The following MAT2B variants were observed in gnomAD, a reference collection of about 807,000 sequenced individuals.
MAT2B encodes methionine adenosyltransferase 2 subunit beta.
A neutral mutation model predicts 36.1 loss-of-function variants in MAT2B; 16 were observed. The ratio of observed to expected loss-of-function variants is 0.44; its 90% CI spans 0.30 to 0.67. MAT2B has a LOEUF of 0.67. Ranked by LOEUF, MAT2B falls within the 30% of genes least tolerant of loss-of-function variation. MAT2B has a pLI of 0.09. For synonymous variants in MAT2B, 148 were observed against 136.9 expected (o/e 1.08, Z -0.57); for missense variants, 332 against 398.2 (o/e 0.83, Z 1.42).
upstream of MAT2B, chr5:163,505,593 G>C (rs1296426594): frequency 1.7e-5 from 21 of 1,247,986 alleles, no homozygotes; most frequent in Middle Eastern, 2.5e-4. Flanking sequence ...TGGGCCTAGG[G>C]GAGGCGGGCC....
Position 163,505,738 on chromosome 5 carries a change from C to T in MAT2B, c.52C>T (p.Arg18Trp). 1 of 1,277,708 alleles carries T rather than the reference C, an allele frequency of 7.8e-7. No homozygotes were observed. The highest frequency in any genetic ancestry group is 2.1e-4 in the Middle Eastern group (1 of 4,706). The allele number at this position is 1,277,708 out of a possible 1,614,324, so 79.1% of individuals were successfully genotyped here. The change falls in exon 1 of 7, where the codon CGG (arginine) becomes TGG (tryptophan). Residue 18 changes from arginine to tryptophan, a missense_variant. Transcript: ENST00000321757. ...LSIHFVPGSC[R>W]LVEEEVNIPN... ...TATACACTTTGTTCCCGGGAGCTGT[C>T]GGCTGGTGGAGGTGAGGGAGTCGGC...
At chr5:163,517,879 T>C in intron 6 of MAT2B, 1 of 500,606 alleles carries the variant, frequency 2.0e-6, no homozygotes. Context: ...GTCTTGATCA[T>C]GACAGGCATT....
chr5:163,511,388 C>T (rs1239007343), intron 1 of MAT2B, among the ~76,000 whole-genome samples: 3 of 151,432 alleles, frequency 2.0e-5, no homozygotes, highest in African/African-American at 7.3e-5. Context: ...CCCAGCCTCC[C>T]AAGTAGCTAG....
At chr5:163,515,772 T>TC (rs1760121917) in intron 4 of MAT2B, among the ~76,000 whole-genome samples, 1 of 62,764 alleles carries the variant, frequency 1.6e-5, no homozygotes, top group Non-Finnish European at 2.8e-5. Context: ...GCCTTTTTCT[T>TC]TTTTTTTTTT....
At chr5:163,512,691 T>C (rs1760064889) in intron 2 of MAT2B, 2 of 454,476 alleles carry the variant, frequency 4.4e-6, no homozygotes, top group Middle Eastern at 3.3e-4. Context: ...TGTTTTGTTC[T>C]TGTTTTTGTG....
intron 2 of MAT2B, chr5:163,513,057 C>G (rs1280174680): frequency 5.8e-6 from 1 of 173,572 alleles, no homozygotes; most frequent in Non-Finnish European, 1.2e-5. Flanking sequence ...TCGATCACAG[C>G]CCACTGTAGC....
upstream of MAT2B, among the ~76,000 whole-genome samples, chr5:163,503,841 G>A (rs1322898250): frequency 2.0e-5 from 3 of 152,150 alleles, no homozygotes; most frequent in Non-Finnish European, 4.4e-5. Context: ...ACCACACGAA[G>A]TTGTATATTG....
chr5:163,505,468 T>G, upstream of MAT2B: 1 of 1,185,962 alleles, frequency 8.4e-7, no homozygotes, highest in Non-Finnish European at 1.1e-6. Context: ...CATCGGCGCG[T>G]GGGCTGGGGG....
intron 5 of MAT2B, 94 bp from the exon 6 acceptor site, chr5:163,517,467 C>T (rs1420704383): frequency 1.5e-6 from 1 of 675,638 alleles, no homozygotes; most frequent in Non-Finnish European, 2.7e-6. Context: ...CCTTTTAGTT[C>T]CTGGACCTTA....
Position 163,506,599 on chromosome 5 carries a change from T to G in MAT2B, c.63+850T>G, listed in dbSNP as rs1043358092. Among the ~76,000 whole-genome samples, 3 of 152,318 alleles carry G rather than the reference T, an allele frequency of 2.0e-5. No individual in the cohort carries two copies. In the East Asian group the frequency reaches 5.8e-4, roughly 29 times the overall value. Reference sequence around the variant, plus strand: ...TATAGGAGATGGCTGTTTCTGTTATTGCAAAGTTTTCATGCTTCCAAATTT... The same window carrying G: ...TATAGGAGATGGCTGTTTCTGTTATGGCAAAGTTTTCATGCTTCCAAATTT... On this transcript the variant is annotated intron_variant, in intron 1 of 6. Coordinates refer to ENST00000321757, the MANE Select transcript of MAT2B (RefSeq NM_013283.5).
intron 3 of MAT2B, 86 bp from the exon 4 acceptor site, chr5:163,513,756 T>G (rs1462294693): frequency 1.3e-5 from 20 of 1,511,942 alleles, no homozygotes; most frequent in Non-Finnish European, 1.8e-5. Flanking sequence ...GTTATTTGTT[T>G]TTATATATCA....
Position 163,519,322 on chromosome 5 carries a change from A to G in MAT2B, c.*959A>G, listed in dbSNP as rs920243509. ...ATTGAAATAAAACACAATAAAATTAACACTTGATCCAGAATGTTAACTTAC... is the reference window on the plus strand; with the variant it reads ...ATTGAAATAAAACACAATAAAATTAGCACTTGATCCAGAATGTTAACTTAC... On this transcript the variant is annotated 3_prime_UTR_variant, in exon 7 of 7. Coordinates refer to ENST00000321757, the MANE Select transcript of MAT2B (RefSeq NM_013283.5). 2.6e-5 allele frequency: 4 copies of G among 152,224 alleles called. No individual in the cohort carries two copies. Among genetic ancestry groups the G allele is most frequent in the African/African-American group, 9.6e-5 (4 of 41,462 alleles). The allele number at this position is 152,224 out of a possible 1,614,324, so 9.4% of individuals were successfully genotyped here.
upstream of MAT2B, among the ~76,000 whole-genome samples, chr5:163,503,806 T>A (rs1443289187): frequency 2.0e-5 from 3 of 152,234 alleles, no homozygotes; most frequent in Admixed American, 2.0e-4. Context: ...TTCAGGCTGC[T>A]CTCTTTAAAT....
chr5:163,517,232 A>T (rs1216251128), intron 5 of MAT2B: 21 of 196,142 alleles, frequency 1.1e-4, no homozygotes, highest in Non-Finnish European at 1.8e-4. Flanking sequence ...TTTTTGTTGT[A>T]GCTTGGGATA....
chr5:163,515,783 T>TC (rs1381181310), intron 4 of MAT2B, among the ~76,000 whole-genome samples: 3 of 134,220 alleles, frequency 2.2e-5, no homozygotes, highest in African/African-American at 8.3e-5. Flanking sequence ...TTTTTTTTTT[T>TC]TTTTTTTTTT....
intron 1 of MAT2B, among the ~76,000 whole-genome samples, chr5:163,510,956 A>T (rs1204907070): frequency 1.3e-5 from 2 of 152,220 alleles, no homozygotes; most frequent in African/African-American, 2.4e-5. Flanking sequence ...TGACGCAAAT[A>T]CTAATCAGGC....
At position 163,513,387 on chromosome 5, in the gene MAT2B, G is replaced by A. The variant is rs867080887; in HGVS notation, c.259-168G>A. On this transcript the variant is annotated intron_variant, in intron 2 of 6. Coordinates refer to ENST00000321757, the MANE Select transcript of MAT2B (RefSeq NM_013283.5). ...TAAATATTTTAAGTTTGAACCTTGC[G>A]GGGAAAAGAAGCAGCATGACAAAAC... 20 of 527,268 alleles carry A rather than the reference G, an allele frequency of 3.8e-5. No individual in the cohort carries two copies. The Middle Eastern group carries it at 2.4e-3, about 63-fold the overall frequency. The allele number at this position is 527,268 out of a possible 1,614,324, so 32.7% of individuals were successfully genotyped here.
At chr5:163,506,732 C>A (rs1399760644) in intron 1 of MAT2B, among the ~76,000 whole-genome samples, 1 of 152,180 alleles carries the variant, frequency 6.6e-6, no homozygotes, top group East Asian at 1.9e-4. Context: ...GTGCATGTTA[C>A]ATACGTTTAC....
chr5:163,514,052 AC>A, intron 4 of MAT2B, 58 bp downstream of exon 4: 1 of 1,391,032 alleles, frequency 7.2e-7, no homozygotes, highest in Non-Finnish European at 9.8e-7. Flanking sequence ...AATCATTTAT[AC>A]ATACACATAT....
Sources: gnomAD v4.1 joint callset for allele counts (sites outside exome capture counted in the v4.1 genomes callset) on GRCh38, gnomAD v4.1.1 for gene constraint, MANE v1.5 for transcripts, NCBI Gene and HGNC (gene_info 2026-07-23, HGNC 2026-07-21) for gene names.